The following NHSL1 variants were observed in gnomAD, a reference collection of about 807,000 sequenced individuals.
The protein encoded by NHSL1 is NHS like 1, also known as NHS-like protein 1.
NHSL1 carries 48 observed loss-of-function variants against 95.0 expected under a neutral mutation model. The observed-to-expected ratio is 0.51, with a 90% CI of 0.40 to 0.64. The LOEUF (loss-of-function observed/expected upper bound fraction) is 0.64. Ranked by LOEUF, NHSL1 falls within the 30% of genes least tolerant of loss-of-function variation. The probability of loss-of-function intolerance (pLI) is 0.00; values close to 1 mark genes in which losing one functional copy is unlikely to be tolerated. For missense variants in NHSL1, 1,971 were observed against 2,077.7 expected (o/e 0.95, Z 1.00); for synonymous variants, 783 against 833.9 (o/e 0.94, Z 1.05).
chr6:138,675,017 T>C (rs4896381), intron 1 of NHSL1, among the ~76,000 whole-genome samples: 95,311 of 150,510 alleles, frequency 0.63, 32,592 homozygotes, highest in East Asian at 0.92. Flanking sequence ...GATCCTGTCA[T>C]TGTCCTCCAA....
chr6:138,458,565 A>G (rs1190355999), intron 3 of NHSL1, among the ~76,000 whole-genome samples: 1 of 151,932 alleles, frequency 6.6e-6, no homozygotes, highest in East Asian at 1.9e-4. Flanking sequence ...GTGGTGGCTC[A>G]CACCTGTAAT....
chr6:138,466,043 G>GGGT (rs1778351954), intron 3 of NHSL1, among the ~76,000 whole-genome samples: 1 of 131,912 alleles, frequency 7.6e-6, no homozygotes, highest in Non-Finnish European at 1.6e-5. Flanking sequence ...CTCCTTTTTG[G>GGGT]GGGGGGGGCA....
intron 1 of NHSL1, among the ~76,000 whole-genome samples, chr6:138,538,909 G>A (rs1423658220): frequency 6.6e-6 from 1 of 152,150 alleles, no homozygotes; most frequent in East Asian, 1.9e-4. Context: ...AAGAAAAAGT[G>A]GTGATGAGCA....
chr6:138,458,733 G>A (rs549166871), intron 3 of NHSL1, among the ~76,000 whole-genome samples: 2 of 151,332 alleles, frequency 1.3e-5, no homozygotes, highest in Non-Finnish European at 2.9e-5. Context: ...GGCTGAGCCA[G>A]GAGAATCGCT....
chr6:138,552,853 A>G (rs1783059121), intron 1 of NHSL1, among the ~76,000 whole-genome samples: 1 of 152,204 alleles, frequency 6.6e-6, no homozygotes, highest in Non-Finnish European at 1.5e-5. Flanking sequence ...ACAGTGCAGA[A>G]AGGAGATTTT....
upstream of NHSL1, among the ~76,000 whole-genome samples, chr6:138,577,271 G>A (rs1405747150): frequency 2.0e-5 from 3 of 152,170 alleles, no homozygotes; most frequent in African/African-American, 4.8e-5. Context: ...TGCTCTACTC[G>A]CCATCTGTGT....
intron 1 of NHSL1, among the ~76,000 whole-genome samples, chr6:138,555,101 T>A (rs1783145297): frequency 6.6e-6 from 1 of 152,086 alleles, no homozygotes. Context: ...AATCCCAGAG[T>A]TACAAGATCC....
intron 5 of NHSL1, among the ~76,000 whole-genome samples, chr6:138,438,255 T>A (rs1343622512): frequency 6.6e-6 from 1 of 152,196 alleles, no homozygotes; most frequent in South Asian, 2.1e-4. Context: ...GCCATCAAAT[T>A]TGAGGTAAGA....
Position 138,666,958 on chromosome 6 carries a change from A to G in NHSL1, c.96+25518T>C, listed in dbSNP as rs534610014. 5.9e-4 allele frequency among the ~76,000 whole-genome samples: 90 copies of G among 152,314 alleles called. 1 individual carries two copies. Among genetic ancestry groups the G allele is most frequent in the Non-Finnish European group, 1.1e-3 (75 of 68,032 alleles). The stretch of plus-strand genomic sequence containing the variant: ...CAGATTCAATTTTTTTTTAAATCCA[A>G]CAATGTTTTTAGCAACACCAACGAT... On this transcript the variant is annotated intron_variant, in intron 1 of 3. Transcript: ENST00000491526.
At chr6:138,520,984 G>A (rs1284401047) in intron 1 of NHSL1, among the ~76,000 whole-genome samples, 10 of 152,178 alleles carry the variant, frequency 6.6e-5, no homozygotes, top group Admixed American at 6.5e-4. Flanking sequence ...GAAGCCGAGA[G>A]ACCATGAAGG....
At chr6:138,545,913 C>G (rs1241294014), upstream of NHSL1, 1 of 826,242 alleles carries the variant, frequency 1.2e-6, no homozygotes, top group African/African-American at 1.8e-5. Context: ...AGTCACCGTT[C>G]ATATAGTCCA....
At chr6:138,460,919 C>T (rs1276198890) in intron 3 of NHSL1, among the ~76,000 whole-genome samples, 2 of 151,870 alleles carry the variant, frequency 1.3e-5, no homozygotes, top group Non-Finnish European at 1.5e-5. Flanking sequence ...TTCACAGCCT[C>T]GCTTCTAACC....
intron 3 of NHSL1, among the ~76,000 whole-genome samples, chr6:138,456,125 G>C (rs915885891): frequency 6.6e-6 from 1 of 152,182 alleles, no homozygotes; most frequent in East Asian, 1.9e-4. Flanking sequence ...ATCGAAACCA[G>C]AACACCTCTG....
upstream of NHSL1, among the ~76,000 whole-genome samples, chr6:138,503,756 A>T (rs1780811364): frequency 6.6e-6 from 1 of 152,174 alleles, no homozygotes; most frequent in Admixed American, 6.5e-5. Flanking sequence ...GTCTGCCCTC[A>T]GTTCCATTTG....
At chr6:138,515,253 G>T (rs1335904591) in intron 1 of NHSL1, among the ~76,000 whole-genome samples, 2 of 152,170 alleles carry the variant, frequency 1.3e-5, no homozygotes, top group African/African-American at 4.8e-5. Flanking sequence ...AGGCTAACAG[G>T]AGACCGCTGT....
intron 1 of NHSL1, among the ~76,000 whole-genome samples, chr6:138,504,788 T>C (rs972274589): frequency 6.6e-6 from 1 of 152,138 alleles, no homozygotes; most frequent in African/African-American, 2.4e-5. Context: ...GAGAAAATGG[T>C]GCCACAATCC....
intron 2 of NHSL1, 59 bp from the exon 3 acceptor site, chr6:138,473,492 C>T: frequency 3.7e-6 from 5 of 1,341,460 alleles, no homozygotes; most frequent in Non-Finnish European, 4.8e-6. Context: ...CTCCTCTTTA[C>T]TTACTTTACG....
intron 1 of NHSL1, among the ~76,000 whole-genome samples, chr6:138,629,228 T>C (rs1398709499): frequency 6.6e-6 from 1 of 152,168 alleles, no homozygotes; most frequent in Admixed American, 6.5e-5. Context: ...CATCAGCTCT[T>C]CCAGAAGCTA....
chr6:138,573,221 C>G (rs1783904301), upstream of NHSL1, among the ~76,000 whole-genome samples: 1 of 152,228 alleles, frequency 6.6e-6, no homozygotes, highest in East Asian at 1.9e-4. Context: ...TCTAGAGCCA[C>G]AGCTTGCAAT....
Sources: allele counts gnomAD v4.1 joint callset (sites outside exome capture counted in the v4.1 genomes callset), GRCh38; gene constraint gnomAD v4.1.1; transcripts MANE v1.5; gene names NCBI Gene and HGNC (gene_info 2026-07-23, HGNC 2026-07-21).